The following TASP1 variants were observed in gnomAD, a reference collection of about 807,000 sequenced individuals.
TASP1 encodes threonine aspartase 1.
In TASP1, 16 loss-of-function variants were observed where a neutral mutation model predicts 56.6. The observed-to-expected ratio is 0.28, with a 90% CI of 0.19 to 0.43. The LOEUF is 0.43. Among genes scored for constraint, TASP1 ranks in the 20% least tolerant of loss-of-function variants. The probability of loss-of-function intolerance (pLI) is 1.00; values close to 1 mark genes in which losing one functional copy is unlikely to be tolerated. For synonymous variants in TASP1, 179 were observed against 184.2 expected, an observed-to-expected ratio of 0.97 and a Z score of 0.23; for missense variants, 393 against 511.6, an observed-to-expected ratio of 0.77 and a Z score of 2.24.
chr20:13,270,822 TG>T, the TASP1 span: 1 of 1,378,666 alleles, frequency 7.3e-7, no homozygotes, highest in East Asian at 2.4e-5. Flanking sequence ...TGGAAACTGC[TG>T]CCTTACCTCA....
rs34720600 is a variant in TASP1 at position 13,484,733 on chromosome 20, CAAAAAAA to C, written c.875-1403_875-1397del. 8.3e-3 allele frequency among the ~76,000 whole-genome samples: 676 copies of C among 81,162 alleles called. 3 individuals are homozygous for C. The highest frequency in any genetic ancestry group is 0.026 in the African/African-American group (603 of 22,856). 53.2% of individuals were successfully genotyped at this position (81,162 alleles called of 152,430 possible). ...CCTGGGGGACAAGAACAAGATTTCTCAAAAAAAAAAAAAAAAAAGAAAGAAAGAAAAT... is the reference window on the plus strand; with the variant it reads ...CCTGGGGGACAAGAACAAGATTTCTCAAAAAAAAAAAGAAAGAAAGAAAAT... On this transcript the variant is annotated intron_variant, in intron 10 of 13. Coordinates refer to ENST00000337743, the MANE Select transcript of TASP1 (RefSeq NM_017714.3).
Position 13,580,983 on chromosome 20 carries a change from T to TACA in TASP1, c.404-3_404-2insTGT. The TACA allele has an allele frequency of 2.6e-6, 4 of 1,513,218 alleles. No homozygotes were observed. Among genetic ancestry groups the TACA allele is most frequent in the Non-Finnish European group, 3.5e-6 (4 of 1,127,956 alleles). 93.7% of individuals were successfully genotyped at this position (1,513,218 alleles called of 1,614,324 possible). A position where few individuals can be genotyped will look rare whatever the true frequency, so the allele number is the denominator to read the frequency against. ...CAACCGAGACTGGGTTCTTGATTCC[T>TACA]ATAAAAAAAAAAAAAAAATTGGCAA... On this transcript the variant is annotated splice_region_variant and splice_polypyrimidine_tract_variant and intron_variant, in intron 5 of 13. Transcript: ENST00000337743.
At chr20:13,352,267 T>C in the TASP1 span, among the ~76,000 whole-genome samples, 2 of 152,044 alleles carry the variant, frequency 1.3e-5, no homozygotes, top group African/African-American at 2.4e-5. Context: ...CTGGACAACA[T>C]GGCGAAACCC....
chr20:13,481,671 A>C (rs1388331071), intron 11 of TASP1, among the ~76,000 whole-genome samples: 1 of 152,186 alleles, frequency 6.6e-6, no homozygotes, highest in Non-Finnish European at 1.5e-5. Flanking sequence ...TCTGATAAGC[A>C]ATAATGTTGA....
chr20:13,449,397 A>T (rs2043532875), intron 11 of TASP1, among the ~76,000 whole-genome samples: 2 of 152,122 alleles, frequency 1.3e-5, no homozygotes, highest in South Asian at 4.1e-4. Flanking sequence ...CCATGAGAGC[A>T]ACTCTATTCA....
the TASP1 span, among the ~76,000 whole-genome samples, chr20:13,138,840 T>C: frequency 6.6e-6 from 1 of 152,222 alleles, no homozygotes; most frequent in South Asian, 2.1e-4. Flanking sequence ...TGCTGGATAA[T>C]TCAAGCCAAT....
intron 10 of TASP1, among the ~76,000 whole-genome samples, chr20:13,495,736 G>A (rs2043697362): frequency 6.6e-6 from 1 of 152,068 alleles, no homozygotes. Context: ...AGGAAAAGAA[G>A]GAACTACATC....
intron 4 of TASP1, among the ~76,000 whole-genome samples, chr20:13,603,197 C>G (rs1182352261): frequency 6.6e-6 from 1 of 151,342 alleles, no homozygotes; most frequent in Non-Finnish European, 1.5e-5. Flanking sequence ...CACCACTGCA[C>G]TCTAGCCTGG....
At chr20:13,204,616 T>C in the TASP1 span, among the ~76,000 whole-genome samples, 1 of 151,932 alleles carries the variant, frequency 6.6e-6, no homozygotes, top group Non-Finnish European at 1.5e-5. Context: ...CTGGGCTCAC[T>C]GCAACATCTG....
chr20:13,396,388 C>T (rs2041538179), intron 13 of TASP1, among the ~76,000 whole-genome samples: 1 of 152,172 alleles, frequency 6.6e-6, no homozygotes, highest in Admixed American at 6.5e-5. Flanking sequence ...TCACATGAAC[C>T]TTCTTAATAT....
At chr20:13,590,727 A>G (rs561271631) in intron 4 of TASP1, among the ~76,000 whole-genome samples, 84 of 152,092 alleles carry the variant, frequency 5.5e-4, no homozygotes, top group African/African-American at 8.4e-4. Context: ...TTAGCTGGGC[A>G]TGGTGGTGCT....
At chr20:13,638,127 C>T (rs542315212) in intron 1 of TASP1, among the ~76,000 whole-genome samples, 93 of 152,268 alleles carry the variant, frequency 6.1e-4, no homozygotes, top group Non-Finnish European at 8.1e-4. Flanking sequence ...TTAGTAAGCA[C>T]TGCTTTTTGT....
the TASP1 span, among the ~76,000 whole-genome samples, chr20:13,122,535 A>T: frequency 6.6e-6 from 1 of 152,206 alleles, no homozygotes; most frequent in Non-Finnish European, 1.5e-5. Context: ...TTTAGGTCCA[A>T]ATCCTTGTTC....
chr20:13,360,343 A>G, the TASP1 span, among the ~76,000 whole-genome samples: 1 of 150,626 alleles, frequency 6.6e-6, no homozygotes, highest in South Asian at 2.1e-4. Flanking sequence ...CATTACTTCA[A>G]TCAAGCCCAA....
chr20:13,336,747 GA>G, the TASP1 span, among the ~76,000 whole-genome samples: 12 of 148,374 alleles, frequency 8.1e-5, no homozygotes, highest in African/African-American at 2.3e-4. Flanking sequence ...TAAAAAGTGA[GA>G]TTTTTTTTTT....
chr20:13,575,340 C>T (rs2046863075), intron 6 of TASP1, among the ~76,000 whole-genome samples: 1 of 152,176 alleles, frequency 6.6e-6, no homozygotes, highest in African/African-American at 2.4e-5. Context: ...TGAATTGTAG[C>T]TCCCATAATA....
At chr20:13,506,442 AAAG>A (rs1458636628) in intron 10 of TASP1, among the ~76,000 whole-genome samples, 1 of 152,198 alleles carries the variant, frequency 6.6e-6, no homozygotes, top group Non-Finnish European at 1.5e-5. Flanking sequence ...CATTGTAAGA[AAAG>A]AAAATTACTG....
the TASP1 span, among the ~76,000 whole-genome samples, chr20:13,192,843 T>C: frequency 6.6e-6 from 1 of 151,750 alleles, no homozygotes; most frequent in Non-Finnish European, 1.5e-5. Context: ...TGTGAGCCAC[T>C]ACACAGGGCC....
chr20:13,250,012 C>T, the TASP1 span, among the ~76,000 whole-genome samples: 45,050 of 152,028 alleles, frequency 0.3, 7,000 homozygotes, highest in African/African-American at 0.41. Flanking sequence ...GGATTTCCAT[C>T]GATCGCTTCC....
Sources: gnomAD v4.1 joint callset for allele counts (sites outside exome capture counted in the v4.1 genomes callset) on GRCh38, gnomAD v4.1.1 for gene constraint, MANE v1.5 for transcripts, NCBI Gene and HGNC (gene_info 2026-07-23, HGNC 2026-07-21) for gene names.